C8orf34: variants seen among roughly 807,000 people sequenced by gnomAD.
C8orf34 encodes the protein chromosome 8 open reading frame 34.
C8orf34 carries 65 observed loss-of-function variants against 68.3 expected under a neutral mutation model. The observed-to-expected ratio is 0.95, with a 90% CI of 0.78 to 1.17. The LOEUF (loss-of-function observed/expected upper bound fraction) is 1.17. Ranked by LOEUF, C8orf34 falls within the 50% of genes most tolerant of loss-of-function variation. The probability of loss-of-function intolerance (pLI) is 0.00; values close to 1 mark genes in which losing one functional copy is unlikely to be tolerated. For missense variants in C8orf34, 664 were observed against 655.4 expected (o/e 1.01, Z -0.14); for synonymous variants, 244 against 241.2 (o/e 1.01, Z -0.11).
At chr8:68,687,535 G>A (rs1355472296) in intron 8 of C8orf34, among the ~76,000 whole-genome samples, 1 of 152,034 alleles carries the variant, frequency 6.6e-6, no homozygotes, top group East Asian at 1.9e-4. Flanking sequence ...TTCAAAAAAT[G>A]GTGCTGGGAA....
chr8:68,661,200 G>A (rs76532880), intron 8 of C8orf34, among the ~76,000 whole-genome samples: 2,873 of 152,330 alleles, frequency 0.019, 48 homozygotes, highest in Non-Finnish European at 0.027. Flanking sequence ...TGCACATGTA[G>A]CAGACATGGG....
intron 6 of C8orf34, among the ~76,000 whole-genome samples, chr8:68,525,137 C>T (rs1163976669): frequency 6.6e-6 from 1 of 152,088 alleles, no homozygotes; most frequent in East Asian, 1.9e-4. Context: ...TTCTAACATA[C>T]CTGTGAATAA....
intron 10 of C8orf34, among the ~76,000 whole-genome samples, chr8:68,741,252 G>A (rs150018300): frequency 0.013 from 1,938 of 152,048 alleles, 39 homozygotes; most frequent in African/African-American, 0.045. Flanking sequence ...AAATTCTTCC[G>A]ACATTCATAT....
intron 1 of C8orf34, among the ~76,000 whole-genome samples, chr8:68,408,794 T>C (rs1406196293): frequency 6.6e-6 from 1 of 151,512 alleles, no homozygotes; most frequent in Non-Finnish European, 1.5e-5. Context: ...TTTTTTGTTT[T>C]GTTTTGTTTT....
At chr8:68,577,531 A>G (rs1201087965) in intron 7 of C8orf34, among the ~76,000 whole-genome samples, 1 of 152,144 alleles carries the variant, frequency 6.6e-6, no homozygotes, top group Non-Finnish European at 1.5e-5. Context: ...TAAAATTATT[A>G]TATGCATTAT....
At chr8:68,568,358 C>A (rs1308284945) in intron 7 of C8orf34, among the ~76,000 whole-genome samples, 2 of 152,146 alleles carry the variant, frequency 1.3e-5, no homozygotes, top group East Asian at 3.9e-4. Flanking sequence ...TCTCACTAAG[C>A]TTAATCATTT....
At chr8:68,618,279 A>G (rs1818287075) in intron 7 of C8orf34, among the ~76,000 whole-genome samples, 1 of 152,014 alleles carries the variant, frequency 6.6e-6, no homozygotes, top group Non-Finnish European at 1.5e-5. Context: ...TTCTTTAGAT[A>G]TTTTGCTCTC....
At chr8:68,445,060 T>C (rs1811064424) in intron 2 of C8orf34, among the ~76,000 whole-genome samples, 1 of 152,168 alleles carries the variant, frequency 6.6e-6, no homozygotes. Context: ...CTTAACCTTA[T>C]CTATGGAAAT....
chr8:68,602,831 C>T (rs546919960), intron 7 of C8orf34, among the ~76,000 whole-genome samples: 62 of 152,130 alleles, frequency 4.1e-4, no homozygotes, highest in Admixed American at 1.7e-3. Flanking sequence ...GAGGGGAAGT[C>T]GTTCTGTTGG....
At chr8:68,611,619 C>T (rs150796344) in intron 7 of C8orf34, among the ~76,000 whole-genome samples, 2 of 152,264 alleles carry the variant, frequency 1.3e-5, no homozygotes, top group Non-Finnish European at 2.9e-5. Context: ...AAAGATTATG[C>T]TCTTTTCCCT....
chr8:68,817,676 A>C (rs1824859465), intron 13 of C8orf34, among the ~76,000 whole-genome samples: 2 of 152,134 alleles, frequency 1.3e-5, no homozygotes, highest in Admixed American at 6.5e-5. Context: ...GTATTAGTCC[A>C]TTTTCACACT....
At chr8:68,575,525 C>T (rs954951889) in intron 7 of C8orf34, among the ~76,000 whole-genome samples, 7 of 152,082 alleles carry the variant, frequency 4.6e-5, no homozygotes, top group Middle Eastern at 3.4e-3. Context: ...TTGAGTTTGC[C>T]ATTAGAGATG....
chr8:68,711,240 G>A (rs1013152035), intron 9 of C8orf34, among the ~76,000 whole-genome samples: 1 of 152,052 alleles, frequency 6.6e-6, no homozygotes, highest in Non-Finnish European at 1.5e-5. Context: ...AACAATTCTG[G>A]TAATATGAGA....
intron 11 of C8orf34, among the ~76,000 whole-genome samples, chr8:68,777,653 A>G (rs949046499): frequency 6.6e-6 from 1 of 152,162 alleles, no homozygotes; most frequent in African/African-American, 2.4e-5. Context: ...TCTCCATTTG[A>G]TTTATATGCA....
At chr8:68,742,949 C>G (rs1822347190) in intron 10 of C8orf34, among the ~76,000 whole-genome samples, 1 of 152,172 alleles carries the variant, frequency 6.6e-6, no homozygotes, top group African/African-American at 2.4e-5. Flanking sequence ...GGCTTCCTGA[C>G]CATCCATCTT....
At chr8:68,357,822 A>G (rs1218168305) in intron 1 of C8orf34, among the ~76,000 whole-genome samples, 2 of 152,200 alleles carry the variant, frequency 1.3e-5, no homozygotes, top group Admixed American at 6.5e-5. Context: ...CTACTGCATA[A>G]TTTGATACTG....
chr8:68,807,314 A>G (rs1405005435), intron 12 of C8orf34, among the ~76,000 whole-genome samples: 1 of 152,218 alleles, frequency 6.6e-6, no homozygotes, highest in Non-Finnish European at 1.5e-5. Context: ...CATATGCTAG[A>G]CATTCTAACT....
At chr8:68,747,529 C>G (rs1415182062) in intron 10 of C8orf34, among the ~76,000 whole-genome samples, 1 of 149,418 alleles carries the variant, frequency 6.7e-6, no homozygotes, top group Non-Finnish European at 1.5e-5. Flanking sequence ...TAAGCAACTT[C>G]AGCAAAGTCT....
intron 3 of C8orf34, among the ~76,000 whole-genome samples, chr8:68,449,169 C>T (rs2248105): frequency 0.037 from 5,682 of 152,144 alleles, 148 homozygotes; most frequent in South Asian, 0.064. Flanking sequence ...AACAAACAAA[C>T]AAACAAACAC....
Sources: gnomAD v4.1 joint callset for allele counts (sites outside exome capture counted in the v4.1 genomes callset) on GRCh38, gnomAD v4.1.1 for gene constraint, MANE v1.5 for transcripts, NCBI Gene and HGNC (gene_info 2026-07-23, HGNC 2026-07-21) for gene names.